The following NF1 variants were observed in gnomAD, a reference collection of about 807,000 sequenced individuals.
The protein encoded by NF1 is neurofibromin.
A neutral mutation model predicts 325.7 loss-of-function variants in NF1; 122 were observed. The ratio of observed to expected loss-of-function variants is 0.37; its 90% CI spans 0.32 to 0.44. NF1 has a LOEUF of 0.44. Ranked by LOEUF, NF1 falls within the 20% of genes least tolerant of loss-of-function variation. The pLI is 1.00. For missense variants in NF1, 2,140 were observed against 3,415.4 expected (o/e 0.63, Z 9.31); for synonymous variants, 1,091 against 1,186.0 (o/e 0.92, Z 1.65).
rs878853862 is a variant in NF1 at position 31,201,082 on chromosome 17, C to T, written c.1108C>T (p.Pro370Ser). The T allele has an allele frequency of 6.2e-7, 1 of 1,614,030 alleles. No homozygotes were observed. The highest frequency in any genetic ancestry group is 1.1e-5 in the South Asian group (1 of 91,074). ...PSKPFSRGSQ[P>S]ADVDLMIDCL... The stretch of plus-strand genomic sequence containing the variant: ...TAAGCCATTCTCAAGAGGCAGTCAG[C>T]CTGCAGATGTGGATCTAATGATTGA... Residue 370 changes from proline to serine, a missense_variant, in exon 10 of 58, where the codon CCT becomes TCT. Coordinates refer to ENST00000358273, the MANE Select transcript of NF1 (RefSeq NM_001042492.3).
rs750488772 is a variant in NF1 at position 31,229,840 on chromosome 17, A to C, written c.2856A>C (p.Leu952Phe). 2 of 1,611,614 alleles carry C rather than the reference A, an allele frequency of 1.2e-6. No individual in the cohort carries two copies. The highest frequency in any genetic ancestry group is 1.7e-6 in the Non-Finnish European group (2 of 1,179,634). ...SKFFDSQGQV[L>F]LTDTNTQFVE... is the part of the protein sequence containing the mutation. ...TGTATTTGTTCTTTCTTTAGGTTTTATTGACTGATACCAATACTCAATTTG... is the reference window on the plus strand; with the variant it reads ...TGTATTTGTTCTTTCTTTAGGTTTTCTTGACTGATACCAATACTCAATTTG... Residue 952 changes from leucine to phenylalanine, a missense_variant, in exon 22 of 58, where the codon TTA becomes TTC. Physicochemically the swap from Leu to Phe is conservative, Grantham distance 22. Around this residue, in one of 10 missense-constraint regions of NF1, gnomAD observed 380 missense variants for 639.3 expected, o/e 0.59. Transcript: ENST00000358273.
chr17:31,336,448 G>C lies in NF1; in HGVS notation c.6122G>C (p.Gly2041Ala), dbSNP rs2151553528. ...MADTAVALAS[G>A]NVKLVSSKVI... Reference sequence around the variant, plus strand: ...GATACTGCTGTAGCTTTGGCTTCTGGAAATGTGAAATTGGTTTCAAGCAAG... The same window carrying C: ...GATACTGCTGTAGCTTTGGCTTCTGCAAATGTGAAATTGGTTTCAAGCAAG... The change falls in exon 41 of 58, where the codon GGA (glycine) becomes GCA (alanine). Residue 2041 changes from glycine to alanine, a missense_variant. By Grantham distance (60) the Gly-to-Ala change is moderately conservative (BLOSUM62 0). Coordinates refer to ENST00000358273, the MANE Select transcript of NF1 (RefSeq NM_001042492.3). The surrounding 1 kb of genome is among the most constrained non-coding windows in gnomAD (Gnocchi z 5.5). The C allele has an allele frequency of 6.2e-7, 1 of 1,614,080 alleles. No individual in the cohort carries two copies. Among genetic ancestry groups the C allele is most frequent in the Non-Finnish European group, 8.5e-7 (1 of 1,180,002 alleles).
At chr17:31,236,558 G>C (rs1221397960) in intron 29 of NF1, among the ~76,000 whole-genome samples, 2 of 151,948 alleles carry the variant, frequency 1.3e-5, no homozygotes, top group East Asian at 3.9e-4. Flanking sequence ...TCCTGCCTCA[G>C]CCTCCTGAGT....
intron 5 of NF1, among the ~76,000 whole-genome samples, chr17:31,180,074 C>T (rs879447263): frequency 6.6e-6 from 1 of 152,122 alleles, no homozygotes; most frequent in African/African-American, 2.4e-5. Context: ...CCTGAATAGA[C>T]CAATAACAAG....
chr17:31,188,954 A>G (rs1239888617), intron 8 of NF1, among the ~76,000 whole-genome samples: 2 of 152,140 alleles, frequency 1.3e-5, no homozygotes, highest in Non-Finnish European at 2.9e-5. Flanking sequence ...AATGCTTAAT[A>G]AACTCCCCTT....
At position 31,172,775 on chromosome 17, in the gene NF1, T is replaced by A. The variant is rs532444379; in HGVS notation, c.586+2778T>A. On this transcript the variant is annotated intron_variant, in intron 5 of 57. Coordinates refer to ENST00000358273, the MANE Select transcript of NF1 (RefSeq NM_001042492.3). ...GCTTTATTTTAGTGGCCCTGGGAAG[T>A]GATAGAAAGGCTTTGAGGTAGAGAA... Among the ~76,000 whole-genome samples the A allele has an allele frequency of 5.9e-5, 9 of 152,104 alleles. No individual in the cohort carries two copies. The East Asian group carries it at 1.7e-3, about 29-fold the overall frequency.
chr17:31,309,953 A>G (rs183576858), intron 36 of NF1, among the ~76,000 whole-genome samples: 1 of 152,352 alleles, frequency 6.6e-6, no homozygotes, highest in Non-Finnish European at 1.5e-5. Flanking sequence ...TCAGAGTACT[A>G]GAAACTGTAT....
chr17:31,241,133 C>G (rs1286177246), intron 29 of NF1, among the ~76,000 whole-genome samples: 1 of 152,188 alleles, frequency 6.6e-6, no homozygotes, highest in Admixed American at 6.5e-5. Context: ...CCGCCTCGGT[C>G]TCCCAAAGTG....
chr17:31,194,079 C>T (rs1385678547), intron 8 of NF1, among the ~76,000 whole-genome samples: 2 of 152,162 alleles, frequency 1.3e-5, no homozygotes, highest in Admixed American at 1.3e-4. Flanking sequence ...GAAGAGACAT[C>T]TGTACTCCCA....
chr17:31,212,964 A>T (rs1156305103), intron 12 of NF1, among the ~76,000 whole-genome samples: 3 of 152,166 alleles, frequency 2.0e-5, no homozygotes, highest in Non-Finnish European at 4.4e-5. Flanking sequence ...GTTTTGTGGC[A>T]TATGACTCTA....
intron 3 of NF1, among the ~76,000 whole-genome samples, chr17:31,161,894 G>A (rs1322061478): frequency 6.6e-6 from 1 of 151,972 alleles, no homozygotes; most frequent in Non-Finnish European, 1.5e-5. Flanking sequence ...AAATTAGCCA[G>A]ATGTGGTGGC....
At chr17:31,235,852 T>C (rs1567852707) in intron 28 of NF1, 66 bp from the exon 29 acceptor site, 1 of 1,610,346 alleles carries the variant, frequency 6.2e-7, no homozygotes, top group East Asian at 2.2e-5. Flanking sequence ...GCAGGGCTGA[T>C]TGTCTTCTTT....
chr17:31,236,087 AAC>A, intron 29 of NF1, 66 bp downstream of exon 29: 1 of 1,223,540 alleles, frequency 8.2e-7, no homozygotes, highest in Non-Finnish European at 1.2e-6. Context: ...TTGTTTTACT[AAC>A]ACTGCATGAA....
Position 31,095,244 on chromosome 17 carries a change from G to T in NF1, c.-66G>T, listed in dbSNP as rs1475527522. 1.4e-6 allele frequency: 2 copies of T among 1,455,020 alleles called. No homozygotes were observed. The highest frequency in any genetic ancestry group is 2.8e-5 in the African/African-American group (2 of 70,428). 90.1% of individuals were successfully genotyped at this position (1,455,020 alleles called of 1,614,324 possible). On this transcript the variant is annotated 5_prime_UTR_variant, in exon 1 of 58. Transcript: ENST00000358273. ...TCCCTCACCTCAGCCTCCGCTCCCC[G>T]CCCTCTTCCCGGCCCAGGGCGCCGG... is the stretch of plus-strand genomic sequence containing the variant.
chr17:31,233,521 A>G (rs1025687932), intron 27 of NF1, among the ~76,000 whole-genome samples: 3 of 152,186 alleles, frequency 2.0e-5, no homozygotes, highest in South Asian at 4.1e-4. Context: ...AGTTGTTGCA[A>G]TGCTGGAATT....
intron 14 of NF1, 30 bp from the exon 15 acceptor site, chr17:31,221,820 C>T (rs369953029): frequency 9.2e-5 from 139 of 1,517,264 alleles, no homozygotes; most frequent in Non-Finnish European, 1.2e-4. Flanking sequence ...TGAGTCTTCT[C>T]TTTGTCTTTC....
intron 12 of NF1, among the ~76,000 whole-genome samples, chr17:31,211,055 A>G (rs1332723864): frequency 6.6e-6 from 1 of 152,200 alleles, no homozygotes; most frequent in Non-Finnish European, 1.5e-5. Context: ...ATGCTGGCTC[A>G]CCAGATCTTT....
At chr17:31,200,965 G>A (rs1165121041) in intron 9 of NF1, 72 bp from the exon 10 acceptor site, 2 of 1,599,258 alleles carry the variant, frequency 1.3e-6, no homozygotes, top group Admixed American at 1.7e-5. Flanking sequence ...ATGTGTTGAT[G>A]TTATTACATG....
rs190603825 is a variant in NF1 at position 31,177,153 on chromosome 17, C to T, written c.587-4269C>T. On this transcript the variant is annotated intron_variant, in intron 5 of 57. Coordinates refer to ENST00000358273, the MANE Select transcript of NF1 (RefSeq NM_001042492.3). ...TATCGATGAGCATGGAATGTTTTTCCGTTTGTTTGTGTCCTCTCTGGCTGG... is the reference window on the plus strand; with the variant it reads ...TATCGATGAGCATGGAATGTTTTTCTGTTTGTTTGTGTCCTCTCTGGCTGG... 4.6e-5 allele frequency among the ~76,000 whole-genome samples: 7 copies of T among 152,154 alleles called. 1 individual carries two copies. The highest frequency in any genetic ancestry group is 3.3e-4 in the Admixed American group (5 of 15,272).
Sources: gnomAD v4.1 joint callset for allele counts (sites outside exome capture counted in the v4.1 genomes callset) on GRCh38, gnomAD v4.1.1 for gene constraint, gnomAD v4.1.1 regional missense constraint, Gnocchi (gnomAD v3.1) non-coding constraint, MANE v1.5 for transcripts, NCBI Gene and HGNC (gene_info 2026-07-23, HGNC 2026-07-21) for gene names.